The following EEF2KMT variants were observed in gnomAD, a reference collection of about 807,000 sequenced individuals.
EEF2KMT encodes the protein protein-lysine N-methyltransferase EEF2KMT.
EEF2KMT carries 30 observed loss-of-function variants against 35.1 expected under a neutral mutation model. The ratio of observed to expected loss-of-function variants is 0.85; its 90% CI spans 0.64 to 1.16. The LOEUF is 1.16. EEF2KMT is among the 50% of genes most tolerant of loss of function. The probability of loss-of-function intolerance (pLI) is 0.00; values close to 1 mark genes in which losing one functional copy is unlikely to be tolerated. For missense variants in EEF2KMT, 499 were observed against 438.2 expected (o/e 1.14, Z -1.24); for synonymous variants, 190 against 187.7 (o/e 1.01, Z -0.10).
chr16:5,092,593 G>C (rs771828789), intron 3 of EEF2KMT, among the ~76,000 whole-genome samples: 1 of 152,250 alleles, frequency 6.6e-6, no homozygotes. Flanking sequence ...CTTTCACTCA[G>C]CAGGTCTGCT....
chr16:5,097,187 C>G, intron 1 of EEF2KMT: 1 of 830,530 alleles, frequency 1.2e-6, no homozygotes, highest in Non-Finnish European at 1.6e-6. Flanking sequence ...GAGCATGAGC[C>G]GATTCTGTGC....
At chr16:5,088,463 C>G (rs1297428327) in intron 7 of EEF2KMT, among the ~76,000 whole-genome samples, 7 of 152,014 alleles carry the variant, frequency 4.6e-5, no homozygotes, top group Non-Finnish European at 1.5e-5. Flanking sequence ...GCTGGTGGCA[C>G]TGGGGGGCTT....
chr16:5,088,805 G>T (rs1456768878), intron 7 of EEF2KMT, among the ~76,000 whole-genome samples: 3 of 152,004 alleles, frequency 2.0e-5, no homozygotes, highest in African/African-American at 7.3e-5. Flanking sequence ...TGCCCCTCCC[G>T]CCACCTCCAT....
rs145949105 is a variant in EEF2KMT, at chr16:5,090,539, G to A, written c.369C>T (p.Ser123=). ...LLPSGGSVTL[S]ESTAIISYGT... ...CGTAGGAGATGATGGCCGTGCTCTCGGAGAGTGTGACCGAGCCTCCCGAGG... is the reference window on the plus strand; with the variant it reads ...CGTAGGAGATGATGGCCGTGCTCTCAGAGAGTGTGACCGAGCCTCCCGAGG... Residue 123 remains serine, a synonymous_variant, in exon 5 of 8, where the codon TCC becomes TCT. Coordinates refer to ENST00000427587, the MANE Select transcript of EEF2KMT (RefSeq NM_201400.4). This position sits in a 1 kb window ranked among gnomAD's most constrained non-coding sequence, Gnocchi z 4.1. The A allele has an allele frequency of 1.3e-4, 203 of 1,611,318 alleles. No individual in the cohort carries two copies. Among genetic ancestry groups the A allele is most frequent in the Non-Finnish European group, 5.4e-5 (64 of 1,179,542 alleles).
At chr16:5,097,307 A>C (rs62038085) in intron 1 of EEF2KMT, 1 of 1,355,792 alleles carries the variant, frequency 7.4e-7, no homozygotes, top group Admixed American at 2.2e-5. Context: ...CTGACTTTTT[A>C]GAATGGGCGA....
At chr16:5,088,980 T>A (rs562717687) in intron 7 of EEF2KMT, 127 bp downstream of exon 7, 60 of 1,584,920 alleles carry the variant, frequency 3.8e-5, no homozygotes, top group Admixed American at 1.7e-4. Flanking sequence ...TCTGCCTGAG[T>A]TCCCCCCATG....
chr16:5,093,437 G>C, intron 3 of EEF2KMT, 47 bp downstream of exon 3: 2 of 1,611,376 alleles, frequency 1.2e-6, no homozygotes, highest in South Asian at 2.2e-5. Flanking sequence ...CCAGCACGCA[G>C]GTGGCTATGC....
chr16:5,089,552 T>C (rs1169243867), intron 6 of EEF2KMT: 2 of 501,278 alleles, frequency 4.0e-6, no homozygotes, highest in Non-Finnish European at 7.2e-6. Flanking sequence ...ACACAAAGCC[T>C]GACCCTGCCA....
chr16:5,084,478 C>T lies in EEF2KMT; in HGVS notation c.*1154G>A, dbSNP rs1254180761. On this transcript the variant is annotated 3_prime_UTR_variant, in exon 8 of 8. Coordinates refer to ENST00000427587, the MANE Select transcript of EEF2KMT (RefSeq NM_201400.4). ...TTGGCCAGAGGCCGAGAGGAGGGTG[C>T]TCACAGGGGAATGGGCAGCACGTAG... The T allele has an allele frequency of 1.1e-4, 66 of 592,392 alleles. No individual in the cohort carries two copies. The highest frequency in any genetic ancestry group is 4.6e-4 in the Middle Eastern group (1 of 2,192). 36.7% of individuals were successfully genotyped at this position (592,392 alleles called of 1,614,324 possible). A position where few individuals can be genotyped will look rare whatever the true frequency, so the allele number is the denominator to read the frequency against.
Position 5,090,453 on chromosome 16 carries a change from T to C in EEF2KMT, c.455A>G (p.Asn152Ser). ...ALYLAEWAIE[N>S]PAVFTNRTVL... ...TCACCTGTTAGTGAAGACTGCCGGG[T>C]TCTCGATGGCCCATTCTGCAAGGTA... is the stretch of plus-strand genomic sequence containing the variant. The change falls in exon 5 of 8, where the codon AAC becomes AGC. Residue 152 changes from asparagine to serine, a missense_variant. Coordinates refer to ENST00000427587, the MANE Select transcript of EEF2KMT (RefSeq NM_201400.4). This position sits in a 1 kb window ranked among gnomAD's most constrained non-coding sequence, Gnocchi z 4.1. The C allele has an allele frequency of 6.2e-7, 1 of 1,611,858 alleles. No individual in the cohort carries two copies. Among genetic ancestry groups the C allele is most frequent in the Non-Finnish European group, 8.5e-7 (1 of 1,179,838 alleles).
At position 5,095,587 on chromosome 16, in the gene EEF2KMT, G is replaced by A. The variant is rs1047549971; in HGVS notation, c.97-73C>T. 9 of 1,603,822 alleles carry A rather than the reference G, an allele frequency of 5.6e-6. No individual in the cohort carries two copies. The African/African-American group carries it at 6.7e-5, about 12-fold the overall frequency. ...CATTAAACACGCAATAGAATGTGTT[G>A]GCAAAGCGCTGTGTGATCCCTCCCT... is the stretch of plus-strand genomic sequence containing the variant. On this transcript the variant is annotated intron_variant, in intron 1 of 7. Transcript: ENST00000427587.
At chr16:5,086,525 T>C (rs1957179367) in intron 7 of EEF2KMT, 1 of 152,008 alleles carries the variant, frequency 6.6e-6, no homozygotes, top group Non-Finnish European at 1.5e-5. Flanking sequence ...CATTGCTCAC[T>C]ACAGCCTCGA....
At chr16:5,088,407 A>G (rs1957259921) in intron 7 of EEF2KMT, among the ~76,000 whole-genome samples, 1 of 152,162 alleles carries the variant, frequency 6.6e-6, no homozygotes, top group South Asian at 2.1e-4. Flanking sequence ...GCATCTGTGC[A>G]CATGGCTGCC....
intron 3 of EEF2KMT, among the ~76,000 whole-genome samples, chr16:5,092,787 ACT>A (rs1957368586): frequency 6.6e-6 from 1 of 152,094 alleles, no homozygotes; most frequent in African/African-American, 2.4e-5. Flanking sequence ...ACATGGTGAA[ACT>A]CTGTCTCTAT....
At position 5,085,645 on chromosome 16, in the gene EEF2KMT, T is replaced by G. The variant is rs776562609; in HGVS notation, c.980A>C (p.Asn327Thr). The change falls in exon 8 of 8, where the codon AAT becomes ACT. Residue 327 changes from asparagine (N) to threonine (T), a missense_variant. Physicochemically the swap from Asn to Thr is moderately conservative, Grantham distance 65 (BLOSUM62 0). Coordinates refer to ENST00000427587, the MANE Select transcript of EEF2KMT (RefSeq NM_201400.4). Reference sequence around the variant, plus strand: ...CGTGTGTGAGTCCTACAGGGTGAGATTCAGCATTGCCATCTCCAAGTGCTC... The same window carrying G: ...CGTGTGTGAGTCCTACAGGGTGAGAGTCAGCATTGCCATCTCCAAGTGCTC... ...YEEHLEMAML[N>T]LTL 2.4e-5 allele frequency: 38 copies of G among 1,609,462 alleles called. 1 individual carries two copies. The highest frequency in any genetic ancestry group is 6.7e-5 in the East Asian group (3 of 44,886).
At chr16:5,088,981 TC>T (rs915019135) in intron 7 of EEF2KMT, 125 bp downstream of exon 7, 71 of 1,587,276 alleles carry the variant, frequency 4.5e-5, no homozygotes, top group Non-Finnish European at 5.7e-5. Context: ...CTGCCTGAGT[TC>T]CCCCCATGGT....
In EEF2KMT at chr16:5,090,494, T is replaced by G; in HGVS notation, c.414A>C (p.Thr138=). The change falls in exon 5 of 8, where the codon ACA becomes ACC. Residue 138 remains threonine, a synonymous_variant. Coordinates refer to ENST00000427587, the MANE Select transcript of EEF2KMT (RefSeq NM_201400.4). This position sits in a 1 kb window ranked among gnomAD's most constrained non-coding sequence, Gnocchi z 4.1. ...IISYGTTGLV[T]WDAALYLAEW... ...CTGCAAGGTAGAGGGCGGCGTCCCA[T>G]GTGACCAGGCCTGTGGTACCGTAGG... 6.2e-7 allele frequency: 1 copy of G among 1,611,930 alleles called. No individual in the cohort carries two copies. The highest frequency in any genetic ancestry group is 1.1e-5 in the South Asian group (1 of 90,982).
Position 5,089,189 on chromosome 16 carries a change from C to T in EEF2KMT, c.810G>A (p.Arg270=). The T allele has an allele frequency of 6.2e-7, 1 of 1,611,084 alleles. No homozygotes were observed. Among genetic ancestry groups the T allele is most frequent in the Non-Finnish European group, 8.5e-7 (1 of 1,179,852 alleles). ...AGACCTCAGGAGCCCGCTGGTGCTC[C>T]CGGCAGGCAGCCAGCCTCCGCAGGA... ...VGVLRRLAAC[R]EHQRAPEVYV... is the part of the protein sequence containing the mutation. The change falls in exon 7 of 8, where the codon CGG becomes CGA. Residue 270 remains arginine (R), a synonymous_variant. Transcript: ENST00000427587.
In EEF2KMT at chr16:5,087,821, A is replaced by AC. The variant is rs796155903; in HGVS notation, c.892+1285_892+1286insG. On this transcript the variant is annotated intron_variant, in intron 7 of 7. Transcript: ENST00000427587. ...GTCTCAAAAAAAAAAAAAAAAAAAAAGGTGGGTGGGGGCTTATACTATGTG... is the reference window on the plus strand; with the variant it reads ...GTCTCAAAAAAAAAAAAAAAAAAAAACGGTGGGTGGGGGCTTATACTATGTG... 9.8e-3 allele frequency among the ~76,000 whole-genome samples: 1,300 copies of AC among 133,264 alleles called. 67 individuals are homozygous for AC. The highest frequency in any genetic ancestry group is 0.024 in the African/African-American group (870 of 36,998). The allele number at this position is 133,264 out of a possible 152,430, so 87.4% of individuals were successfully genotyped here. A position where few individuals can be genotyped will look rare whatever the true frequency, so the allele number is the denominator to read the frequency against.
Sources: gnomAD v4.1 joint callset for allele counts (sites outside exome capture counted in the v4.1 genomes callset) on GRCh38, gnomAD v4.1.1 for gene constraint, Gnocchi (gnomAD v3.1) non-coding constraint, MANE v1.5 for transcripts, NCBI Gene and HGNC (gene_info 2026-07-23, HGNC 2026-07-21) for gene names.